The following TOP1 variants were observed in gnomAD, a reference collection of about 807,000 sequenced individuals.
The protein encoded by TOP1 is DNA topoisomerase 1.
In TOP1, 10 loss-of-function variants were observed where a neutral mutation model predicts 111.1. That is an observed-to-expected ratio of 0.09 (90% confidence interval 0.06 to 0.15). TOP1 has a LOEUF of 0.15. Ranked by LOEUF, TOP1 falls within the 10% of genes least tolerant of loss-of-function variation. The probability of loss-of-function intolerance (pLI) is 1.00; values close to 1 mark genes in which losing one functional copy is unlikely to be tolerated. For missense variants in TOP1, 474 were observed against 926.7 expected, an observed-to-expected ratio of 0.51 and a Z score of 6.34; for synonymous variants, 271 against 302.9, an observed-to-expected ratio of 0.89 and a Z score of 1.10.
chr20:41,113,680 G>A (rs2034278523), intron 14 of TOP1, among the ~76,000 whole-genome samples: 1 of 147,544 alleles, frequency 6.8e-6, no homozygotes. Context: ...GACCATCCTG[G>A]CCAATGTGGT....
chr20:41,081,388 A>G, intron 7 of TOP1, 148 bp downstream of exon 7: 1 of 970,686 alleles, frequency 1.0e-6, no homozygotes. Flanking sequence ...TGGCTGTGGC[A>G]CTGGTAGTTT....
intron 3 of TOP1, among the ~76,000 whole-genome samples, chr20:41,068,377 T>C (rs2033631748): frequency 6.6e-6 from 1 of 152,222 alleles, no homozygotes; most frequent in African/African-American, 2.4e-5. Flanking sequence ...ACTGCTTCTT[T>C]CTGTTAGCGT....
rs2033648007 is a variant in TOP1, at chr20:41,069,714, G to T, written c.156-6457G>T. 1.3e-5 allele frequency among the ~76,000 whole-genome samples: 2 copies of T among 152,174 alleles called. No homozygotes were observed. Among genetic ancestry groups the T allele is most frequent in the Non-Finnish European group, 2.9e-5 (2 of 68,028 alleles). ...ATTGGAGCTCTTGAGTTTGGTAGTTGAATCTAATTCAGTAGTTATTGATAG... is the reference window on the plus strand; with the variant it reads ...ATTGGAGCTCTTGAGTTTGGTAGTTTAATCTAATTCAGTAGTTATTGATAG... On this transcript the variant is annotated intron_variant, in intron 3 of 20. Transcript: ENST00000361337. The surrounding 1 kb of genome is among the most constrained non-coding windows in gnomAD (Gnocchi z 4.1).
At chr20:41,099,966 A>C in intron 11 of TOP1, 90 bp from the exon 12 acceptor site, 2 of 853,758 alleles carry the variant, frequency 2.3e-6, no homozygotes, top group Non-Finnish European at 3.5e-6. Context: ...ACTTTCCTCT[A>C]CCTTGACTTA....
Position 41,070,647 on chromosome 20 carries a change from G to A in TOP1, c.156-5524G>A, listed in dbSNP as rs188386761. On this transcript the variant is annotated intron_variant, in intron 3 of 20. Coordinates refer to ENST00000361337, the MANE Select transcript of TOP1 (RefSeq NM_003286.4). Reference sequence around the variant, plus strand: ...AAACCAAGACTTTGAAGCTCTCTGTGCTGTCTCACAGGAATCCCCATGATC... The same window carrying A: ...AAACCAAGACTTTGAAGCTCTCTGTACTGTCTCACAGGAATCCCCATGATC... Among the ~76,000 whole-genome samples the A allele has an allele frequency of 5.1e-4, 77 of 152,326 alleles. 1 individual carries two copies. The highest frequency in any genetic ancestry group is 3.4e-3 in the Middle Eastern group (1 of 294).
Position 41,098,200 on chromosome 20 carries a change from T to A in TOP1, c.853-15T>A. ...TCGTTGTTTTTCTTTCATCTCCCCATTTTCTTTTGACTAGGAAATGACTAA... is the reference window on the plus strand; with the variant it reads ...TCGTTGTTTTTCTTTCATCTCCCCAATTTCTTTTGACTAGGAAATGACTAA... On this transcript the variant is annotated splice_polypyrimidine_tract_variant and intron_variant, in intron 10 of 20. Coordinates refer to ENST00000361337, the MANE Select transcript of TOP1 (RefSeq NM_003286.4). This position sits in a 1 kb window ranked among gnomAD's most constrained non-coding sequence, Gnocchi z 5.7. 6.2e-7 allele frequency: 1 copy of A among 1,613,200 alleles called. No homozygotes were observed. Among genetic ancestry groups the A allele is most frequent in the Non-Finnish European group, 8.5e-7 (1 of 1,179,308 alleles).
At position 41,116,109 on chromosome 20, in the gene TOP1, A is replaced by G. The variant is rs530532016; in HGVS notation, c.1708-169A>G. On this transcript the variant is annotated intron_variant, in intron 16 of 20. Coordinates refer to ENST00000361337, the MANE Select transcript of TOP1 (RefSeq NM_003286.4). The surrounding 1 kb of genome is among the most constrained non-coding windows in gnomAD (Gnocchi z 5.6). ...AGATTGAAATACTTCATAGAGAGGC[A>G]TCATGTAACCCTGTATTCTGGAATT... 6.6e-6 allele frequency among the ~76,000 whole-genome samples: 1 copy of G among 152,192 alleles called. No individual in the cohort carries two copies. The highest frequency in any genetic ancestry group is 2.4e-5 in the African/African-American group (1 of 41,432).
At position 41,029,309 on chromosome 20, in the gene TOP1, G is replaced by A. The variant is rs1005259238; in HGVS notation, c.34-122G>A. 8.6e-6 allele frequency: 8 copies of A among 935,670 alleles called. No homozygotes were observed. Among genetic ancestry groups the A allele is most frequent in the Non-Finnish European group, 1.1e-5 (7 of 658,936 alleles). 58.0% of individuals were successfully genotyped at this position (935,670 alleles called of 1,614,324 possible). On this transcript the variant is annotated intron_variant, in intron 1 of 20. Coordinates refer to ENST00000361337, the MANE Select transcript of TOP1 (RefSeq NM_003286.4). This position sits in a 1 kb window ranked among gnomAD's most constrained non-coding sequence, Gnocchi z 6.1. ...GAGGCAGGGATGGCTGCCCTCTGTG[G>A]CCACCCCCGGGTCCCCGTCCTCCCC...
rs1568698457 is a variant in TOP1, at chr20:41,101,284, G to A, written c.1239G>A (p.Leu413=). The A allele has an allele frequency of 6.2e-7, 1 of 1,614,014 alleles. No individual in the cohort carries two copies. Among genetic ancestry groups the A allele is most frequent in the Non-Finnish European group, 8.5e-7 (1 of 1,179,974 alleles). The change falls in exon 13 of 21, where the codon CTG becomes CTA. Residue 413 remains leucine (L), a synonymous_variant. Coordinates refer to ENST00000361337, the MANE Select transcript of TOP1 (RefSeq NM_003286.4). The surrounding 1 kb of genome is among the most constrained non-coding windows in gnomAD (Gnocchi z 4.1). Reference sequence around the variant, plus strand: ...GGCATGATAACAAGGTTACTTGGCTGGTTTCCTGGACAGAGAACATCCAAG... The same window carrying A: ...GGCATGATAACAAGGTTACTTGGCTAGTTTCCTGGACAGAGAACATCCAAG... The part of the protein sequence containing the change: ...EVRHDNKVTW[L]VSWTENIQGS...
rs140769292 is a variant in TOP1 at position 41,117,727 on chromosome 20, T to G, written c.1823-442T>G. On this transcript the variant is annotated intron_variant, in intron 17 of 20. Transcript: ENST00000361337. ...AACGTCCCTTCAATTCCTCGTTCTG[T>G]TCTGGCTACATTGGGTGGAGAGGTG... Among the ~76,000 whole-genome samples the G allele has an allele frequency of 2.2e-3, 330 of 152,220 alleles. 1 individual carries two copies. The highest frequency in any genetic ancestry group is 6.5e-3 in the African/African-American group (271 of 41,512).
intron 8 of TOP1, among the ~76,000 whole-genome samples, chr20:41,086,923 G>A (rs1351375110): frequency 6.6e-6 from 1 of 152,138 alleles, no homozygotes; most frequent in Admixed American, 6.5e-5. Flanking sequence ...ATAGCTAGAG[G>A]CTGTGTATCA....
Position 41,031,510 on chromosome 20 carries a change from C to T in TOP1, c.58+2055C>T, listed in dbSNP as rs527464947. Among the ~76,000 whole-genome samples the T allele has an allele frequency of 1.9e-3, 292 of 152,284 alleles. 1 individual carries two copies. Among genetic ancestry groups the T allele is most frequent in the African/African-American group, 6.6e-3 (276 of 41,556 alleles). Reference sequence around the variant, plus strand: ...TTTTTATAGAGGCTGAAGTAATCTGCGTATGTTGACTTTTAGAATGTGTTG... The same window carrying T: ...TTTTTATAGAGGCTGAAGTAATCTGTGTATGTTGACTTTTAGAATGTGTTG... On this transcript the variant is annotated intron_variant, in intron 2 of 20. Coordinates refer to ENST00000361337, the MANE Select transcript of TOP1 (RefSeq NM_003286.4).
intron 8 of TOP1, among the ~76,000 whole-genome samples, chr20:41,089,349 A>G (rs1251417214): frequency 6.6e-6 from 1 of 152,044 alleles, no homozygotes; most frequent in Non-Finnish European, 1.5e-5. Context: ...CTTGGTAAGC[A>G]CCATTCTACT....
In TOP1 at chr20:41,098,189, T is replaced by C. The variant is rs201431245; in HGVS notation, c.853-26T>C. The C allele has an allele frequency of 4.3e-6, 7 of 1,612,836 alleles. No individual in the cohort carries two copies. In the East Asian group the frequency reaches 1.6e-4, roughly 36 times the overall value. On this transcript the variant is annotated intron_variant, in intron 10 of 20. Transcript: ENST00000361337. This position sits in a 1 kb window ranked among gnomAD's most constrained non-coding sequence, Gnocchi z 5.7. ...TTAGTGTATTTTCGTTGTTTTTCTT[T>C]CATCTCCCCATTTTCTTTTGACTAG...
intron 2 of TOP1, among the ~76,000 whole-genome samples, chr20:41,055,471 T>A (rs1255280500): frequency 6.6e-6 from 1 of 151,998 alleles, no homozygotes; most frequent in East Asian, 1.9e-4. Flanking sequence ...CCTTATTGGC[T>A]TTACTTTTTC....
Position 41,072,040 on chromosome 20 carries a change from T to G in TOP1, c.156-4131T>G, listed in dbSNP as rs140107198. Among the ~76,000 whole-genome samples the G allele has an allele frequency of 1.5e-3, 223 of 152,342 alleles. 3 individuals carry two copies. The highest frequency in any genetic ancestry group is 0.012 in the East Asian group (62 of 5,188). On this transcript the variant is annotated intron_variant, in intron 3 of 20. Coordinates refer to ENST00000361337, the MANE Select transcript of TOP1 (RefSeq NM_003286.4). ...TCCTTCCTATGGTTGATATTAAGCC[T>G]TTCTTCTACTCTTAGAAGACAAAAT...
At chr20:41,043,148 C>T (rs973914420) in intron 2 of TOP1, among the ~76,000 whole-genome samples, 2 of 152,248 alleles carry the variant, frequency 1.3e-5, no homozygotes, top group Non-Finnish European at 2.9e-5. Flanking sequence ...GATTCTCGGG[C>T]CTCACCCATA....
chr20:41,047,887 T>C (rs2033352430), intron 2 of TOP1, among the ~76,000 whole-genome samples: 1 of 152,158 alleles, frequency 6.6e-6, no homozygotes, highest in Non-Finnish European at 1.5e-5. Context: ...TAAGCATGAC[T>C]CCACCCATTA....
intron 2 of TOP1, among the ~76,000 whole-genome samples, chr20:41,055,662 C>A (rs1173610248): frequency 6.6e-6 from 1 of 152,212 alleles, no homozygotes; most frequent in East Asian, 1.9e-4. Context: ...TAAAGACTTT[C>A]TCTGACTCTT....
Sources: allele counts gnomAD v4.1 joint callset (sites outside exome capture counted in the v4.1 genomes callset), GRCh38; gene constraint gnomAD v4.1.1; non-coding constraint Gnocchi (gnomAD v3.1); transcripts MANE v1.5; gene names NCBI Gene and HGNC (gene_info 2026-07-23, HGNC 2026-07-21).